The following SCFD2 variants were observed in gnomAD, a reference collection of about 807,000 sequenced individuals.
The protein encoded by SCFD2 is sec1 family domain containing 2, also known as sec1 family domain-containing protein 2.
A neutral mutation model predicts 58.9 loss-of-function variants in SCFD2; 54 were observed. That is an observed-to-expected ratio of 0.92 (90% CI 0.74 to 1.15). SCFD2 has a LOEUF of 1.15. Ranked by LOEUF, SCFD2 falls within the 50% of genes most tolerant of loss-of-function variation. The probability of loss-of-function intolerance (pLI) is 0.00; values close to 1 mark genes in which losing one functional copy is unlikely to be tolerated. For missense variants in SCFD2, 805 were observed against 836.6 expected (o/e 0.96, Z 0.47); for synonymous variants, 321 against 335.9 (o/e 0.96, Z 0.49).
chr4:53,046,184 G>A (rs1426294528), intron 5 of SCFD2, among the ~76,000 whole-genome samples: 1 of 152,186 alleles, frequency 6.6e-6, no homozygotes, highest in Non-Finnish European at 1.5e-5. Flanking sequence ...TGAGGATGGA[G>A]TCAGCAGTGG....
intron 4 of SCFD2, among the ~76,000 whole-genome samples, chr4:53,267,717 A>G (rs1560420804): frequency 6.6e-6 from 1 of 152,188 alleles, no homozygotes; most frequent in African/African-American, 2.4e-5. Flanking sequence ...AGTAGCTGAA[A>G]CTACAGATGT....
chr4:53,267,679 C>T (rs1221050344), intron 4 of SCFD2, among the ~76,000 whole-genome samples: 4 of 152,134 alleles, frequency 2.6e-5, no homozygotes, highest in South Asian at 2.1e-4. Context: ...CTCCTGACTT[C>T]GAGTAATCCT....
At chr4:53,295,732 C>G (rs1732005686) in intron 3 of SCFD2, among the ~76,000 whole-genome samples, 1 of 152,088 alleles carries the variant, frequency 6.6e-6, no homozygotes, top group Admixed American at 6.5e-5. Flanking sequence ...AAAGGAAATG[C>G]TTCCAGTTTT....
intron 5 of SCFD2, among the ~76,000 whole-genome samples, chr4:53,057,665 T>A (rs961002839): frequency 2.4e-4 from 36 of 152,012 alleles, no homozygotes; most frequent in African/African-American, 8.5e-4. Flanking sequence ...TGTATCCCAT[T>A]TTTTTTAGAT....
intron 4 of SCFD2, among the ~76,000 whole-genome samples, chr4:53,247,289 G>A (rs538297497): frequency 3.9e-5 from 6 of 152,142 alleles, no homozygotes; most frequent in Non-Finnish European, 7.3e-5. Flanking sequence ...TGGAACACTT[G>A]TACACTGTAG....
intron 8 of SCFD2, among the ~76,000 whole-genome samples, chr4:52,877,801 C>G (rs539905930): frequency 6.6e-6 from 1 of 152,184 alleles, no homozygotes; most frequent in Non-Finnish European, 1.5e-5. Context: ...GCATTACTCA[C>G]AGGCTTAAAA....
chr4:52,925,355 C>CATAT (rs35698588), intron 5 of SCFD2, among the ~76,000 whole-genome samples: 28 of 142,920 alleles, frequency 2.0e-4, no homozygotes, highest in African/African-American at 6.3e-4. Context: ...TATATATATA[C>CATAT]ATATATATAT....
intron 1 of SCFD2, among the ~76,000 whole-genome samples, chr4:53,354,714 C>T (rs1452956977): frequency 3.9e-5 from 6 of 152,130 alleles, no homozygotes; most frequent in Non-Finnish European, 5.9e-5. Context: ...TCTAGTCAGT[C>T]AGGTAAATAG....
rs144952121 is a variant in SCFD2, at chr4:53,248,065, G to A, written c.1311+25761C>T. ...CAGTGGGCGCAGGTCAGTGGGTGCA[G>A]CGCACCATGCGCCACCCGAAGCAGG... On this transcript the variant is annotated intron_variant, in intron 4 of 8. Transcript: ENST00000401642. Among the ~76,000 whole-genome samples the A allele has an allele frequency of 8.5e-3, 1,298 of 152,248 alleles. 12 individuals are homozygous for A. The highest frequency in any genetic ancestry group is 0.03 in the African/African-American group (1,236 of 41,540).
At position 53,352,697 on chromosome 4, in the gene SCFD2, T is replaced by C. The variant is rs968886050; in HGVS notation, c.908A>G (p.His303Arg). The stretch of plus-strand genomic sequence containing the variant: ...CATGTTAACCATCACATCATTTGTG[T>C]GGCCTGGGAGCTGGGGAAGTGCTGA... ...IISALPQLPGHTNDVMVNMIA... is the reference protein window; with the variant it reads ...IISALPQLPGRTNDVMVNMIA... The change falls in exon 2 of 9, where the codon CAC becomes CGC. Residue 303 changes from histidine to arginine, a missense_variant. His to Arg is a conservative substitution (Grantham distance 29, BLOSUM62 0). Coordinates refer to ENST00000401642, the MANE Select transcript of SCFD2 (RefSeq NM_152540.4). The C allele has an allele frequency of 6.2e-7, 1 of 1,614,122 alleles. No individual in the cohort carries two copies. The highest frequency in any genetic ancestry group is 8.5e-7 in the Non-Finnish European group (1 of 1,179,964).
intron 4 of SCFD2, among the ~76,000 whole-genome samples, chr4:53,176,521 G>A (rs892061433): frequency 6.6e-6 from 1 of 152,186 alleles, no homozygotes; most frequent in Non-Finnish European, 1.5e-5. Context: ...TTTCCACTAT[G>A]AGCTTAGAGA....
At chr4:53,239,221 G>A (rs1371503249) in intron 4 of SCFD2, among the ~76,000 whole-genome samples, 20 of 152,010 alleles carry the variant, frequency 1.3e-4, no homozygotes, top group Non-Finnish European at 2.5e-4. Context: ...GTGGCGGCGC[G>A]AGTCTGCAAT....
chr4:53,134,119 G>C (rs1290925608), intron 5 of SCFD2, among the ~76,000 whole-genome samples: 1 of 152,156 alleles, frequency 6.6e-6, no homozygotes, highest in Non-Finnish European at 1.5e-5. Context: ...ATTTATATGA[G>C]GTATAGGTAA....
chr4:52,957,183 T>C, intron 5 of SCFD2: 1 of 151,846 alleles, frequency 6.6e-6, no homozygotes, highest in Non-Finnish European at 1.5e-5. Flanking sequence ...AAGAACGCAG[T>C]CTGGTTGCAG....
intron 2 of SCFD2, among the ~76,000 whole-genome samples, chr4:53,350,099 G>A (rs1331963256): frequency 6.6e-6 from 1 of 152,124 alleles, no homozygotes; most frequent in Non-Finnish European, 1.5e-5. Context: ...TACACAAAAG[G>A]TCCTCTGTAA....
At chr4:53,023,973 C>T (rs1320120771) in intron 5 of SCFD2, among the ~76,000 whole-genome samples, 1 of 152,130 alleles carries the variant, frequency 6.6e-6, no homozygotes, top group Non-Finnish European at 1.5e-5. Context: ...CTACTGATGA[C>T]AAGCCAGAGT....
chr4:52,969,127 A>G (rs1171075321), intron 5 of SCFD2, among the ~76,000 whole-genome samples: 2 of 152,054 alleles, frequency 1.3e-5, no homozygotes. Context: ...CTCACCCGTG[A>G]TGTCTCCCCT....
At chr4:53,197,703 A>G (rs144141829) in intron 4 of SCFD2, among the ~76,000 whole-genome samples, 3 of 151,296 alleles carry the variant, frequency 2.0e-5, no homozygotes, top group African/African-American at 7.3e-5. Flanking sequence ...TCCAATTGCA[A>G]ATATCCAGAT....
chr4:52,954,694 T>A (rs1027996902), intron 5 of SCFD2, among the ~76,000 whole-genome samples: 2 of 152,170 alleles, frequency 1.3e-5, no homozygotes, highest in African/African-American at 2.4e-5. Flanking sequence ...AACCATGGCT[T>A]ACACAGCTGC....
Sources: allele counts gnomAD v4.1 joint callset (sites outside exome capture counted in the v4.1 genomes callset), GRCh38; gene constraint gnomAD v4.1.1; transcripts MANE v1.5; gene names NCBI Gene and HGNC (gene_info 2026-07-23, HGNC 2026-07-21).